The following DPP6 variants were observed in gnomAD, a reference collection of about 807,000 sequenced individuals.
The protein encoded by DPP6 is dipeptidyl peptidase like 6, also known as A-type potassium channel modulatory protein DPP6.
DPP6 carries 69 observed loss-of-function variants against 122.6 expected under a neutral mutation model. The observed-to-expected ratio is 0.56, with a 90% CI of 0.46 to 0.69. The LOEUF (loss-of-function observed/expected upper bound fraction) is 0.69, where lower values mean the gene tolerates loss of function less well. Ranked by LOEUF, DPP6 falls within the 30% of genes least tolerant of loss-of-function variation. The pLI, the probability that DPP6 is intolerant of heterozygous loss-of-function variation, is 0.00. For synonymous variants in DPP6, 418 were observed against 433.1 expected (o/e 0.97, Z 0.43); for missense variants, 928 against 1,116.9 (o/e 0.83, Z 2.41).
intron 4 of DPP6, among the ~76,000 whole-genome samples, chr7:154,547,034 C>T (rs1829251935): frequency 6.6e-6 from 1 of 152,226 alleles, no homozygotes; most frequent in South Asian, 2.1e-4. Context: ...CTGTTCTGCA[C>T]AGAGCCCAGT....
chr7:153,888,151 G>A (rs1799022320), intron 1 of DPP6, among the ~76,000 whole-genome samples: 1 of 152,116 alleles, frequency 6.6e-6, no homozygotes, highest in African/African-American at 2.4e-5. Context: ...CGCCGGCCTC[G>A]GTGCTCCGAG....
rs1000212760 is a variant in DPP6 at position 153,906,259 on chromosome 7, TGTG to T, written c.51+18532_51+18534del. ...GCAGTTGTGTTACGCGGATATAGTG[TGTG>T]GTGGTGAAGTCTGGGCTTTTTGTGT... On this transcript the variant is annotated intron_variant, in intron 1 of 25. Coordinates refer to the DPP6 transcript ENST00000404039. 6.4e-4 allele frequency among the ~76,000 whole-genome samples: 98 copies of T among 152,318 alleles called. 1 individual carries two copies. Among genetic ancestry groups the T allele is most frequent in the African/African-American group, 2.3e-3 (95 of 41,576 alleles).
At chr7:154,414,697 C>T (rs554243974) in intron 1 of DPP6, among the ~76,000 whole-genome samples, 160 of 152,298 alleles carry the variant, frequency 1.1e-3, no homozygotes, top group Non-Finnish European at 1.7e-3. Flanking sequence ...CATCAGGTGT[C>T]GGCTGGGGCT....
chr7:154,830,705 C>T (rs952501386), intron 16 of DPP6, among the ~76,000 whole-genome samples: 1 of 152,208 alleles, frequency 6.6e-6, no homozygotes, highest in African/African-American at 2.4e-5. Context: ...GATCAGATGG[C>T]TTGCAGGGTT....
At chr7:154,431,675 C>T (rs1818435378) in intron 1 of DPP6, among the ~76,000 whole-genome samples, 1 of 151,742 alleles carries the variant, frequency 6.6e-6, no homozygotes. Context: ...GCTGGGATGA[C>T]AGGTGCATGC....
intron 7 of DPP6, among the ~76,000 whole-genome samples, chr7:154,691,175 G>A (rs1839910371): frequency 6.6e-6 from 1 of 152,184 alleles, no homozygotes; most frequent in Non-Finnish European, 1.5e-5. Flanking sequence ...TGTTCAAATG[G>A]TCAGGGTGTG....
chr7:153,965,342 C>T (rs1795642353), intron 1 of DPP6, among the ~76,000 whole-genome samples: 1 of 151,960 alleles, frequency 6.6e-6, no homozygotes, highest in African/African-American at 2.4e-5. Context: ...GTTATTTCTC[C>T]AGCCTCCCCT....
chr7:154,174,513 G>A (rs745392072), intron 1 of DPP6, among the ~76,000 whole-genome samples: 3 of 152,182 alleles, frequency 2.0e-5, no homozygotes, highest in Non-Finnish European at 4.4e-5. Flanking sequence ...ACACAAAGCC[G>A]TCACTCATCA....
At chr7:154,539,140 A>G (rs76628579) in intron 3 of DPP6, among the ~76,000 whole-genome samples, 4,971 of 152,242 alleles carry the variant, frequency 0.033, 271 homozygotes, top group African/African-American at 0.11. Flanking sequence ...TTTACCATCA[A>G]ACTGGCTCAA....
At chr7:154,570,357 C>A (rs1831032238) in intron 5 of DPP6, among the ~76,000 whole-genome samples, 1 of 151,928 alleles carries the variant, frequency 6.6e-6, no homozygotes, top group Admixed American at 6.6e-5. Context: ...AGTTGTTTGG[C>A]ATAGACTAAT....
chr7:153,976,474 C>G (rs1363447451), intron 1 of DPP6, among the ~76,000 whole-genome samples: 1 of 152,132 alleles, frequency 6.6e-6, no homozygotes, highest in African/African-American at 2.4e-5. Flanking sequence ...TCCAGGGATC[C>G]AGAAGTCATC....
intron 1 of DPP6, among the ~76,000 whole-genome samples, chr7:153,998,552 G>T (rs1187005576): frequency 2.0e-5 from 3 of 152,188 alleles, no homozygotes; most frequent in African/African-American, 7.2e-5. Context: ...TAGGGAGAAT[G>T]ACAGCAACAT....
At chr7:154,462,331 T>A (rs1427118009) in intron 2 of DPP6, among the ~76,000 whole-genome samples, 1 of 152,230 alleles carries the variant, frequency 6.6e-6, no homozygotes, top group African/African-American at 2.4e-5. Flanking sequence ...TTAGAATAAC[T>A]TTGGTTATTG....
chr7:154,859,533 T>G (rs771366826), intron 17 of DPP6, among the ~76,000 whole-genome samples: 7 of 152,254 alleles, frequency 4.6e-5, no homozygotes, highest in Non-Finnish European at 8.8e-5. Context: ...CAGAATTCTT[T>G]GTCCTTTCCC....
Position 154,371,416 on chromosome 7 carries a change from A to G in DPP6, c.244-74798A>G, listed in dbSNP as rs2151120240. On this transcript the variant is annotated intron_variant, in intron 1 of 25. Coordinates refer to ENST00000377770, the MANE Select transcript of DPP6 (RefSeq NM_130797.4). ...AAAAAAAAAAAAAAGAAAGAAAGAAAGAAAGACAGAAAAAACAAACAAAAA... is the reference window on the plus strand; with the variant it reads ...AAAAAAAAAAAAAAGAAAGAAAGAAGGAAAGACAGAAAAAACAAACAAAAA... Among the ~76,000 whole-genome samples, 4 of 151,346 alleles carry G rather than the reference A, an allele frequency of 2.6e-5. No homozygotes were observed. The South Asian group carries it at 8.3e-4, about 31-fold the overall frequency.
chr7:154,333,631 G>A (rs990110592), intron 1 of DPP6, among the ~76,000 whole-genome samples: 3 of 152,168 alleles, frequency 2.0e-5, no homozygotes, highest in African/African-American at 7.2e-5. Flanking sequence ...TATTGGTGAA[G>A]CATAGTTTTT....
At chr7:154,530,775 A>G (rs1827780519) in intron 3 of DPP6, among the ~76,000 whole-genome samples, 1 of 152,200 alleles carries the variant, frequency 6.6e-6, no homozygotes, top group Non-Finnish European at 1.5e-5. Context: ...GATCAAGAAA[A>G]TATGGTACAT....
chr7:154,437,211 T>C (rs940981653), intron 1 of DPP6, among the ~76,000 whole-genome samples: 1 of 152,232 alleles, frequency 6.6e-6, no homozygotes, highest in African/African-American at 2.4e-5. Flanking sequence ...TGCTATTTGT[T>C]TTTCCATTAT....
intron 1 of DPP6, among the ~76,000 whole-genome samples, chr7:154,150,367 A>C (rs1169366597): frequency 6.6e-6 from 1 of 152,170 alleles, no homozygotes; most frequent in Admixed American, 6.5e-5. Flanking sequence ...CTGGGAGCAC[A>C]GGGGTACTCG....
Sources: allele counts gnomAD v4.1 joint callset (sites outside exome capture counted in the v4.1 genomes callset), GRCh38; gene constraint gnomAD v4.1.1; transcripts MANE v1.5; gene names NCBI Gene and HGNC (gene_info 2026-07-23, HGNC 2026-07-21).